MRM1: variants seen among roughly 807,000 people sequenced by gnomAD.
The protein encoded by MRM1 is mitochondrial rRNA methyltransferase 1, also known as rRNA methyltransferase 1, mitochondrial.
MRM1 carries 24 observed loss-of-function variants against 25.0 expected under a neutral mutation model. The observed-to-expected ratio is 0.96, with a 90% confidence interval of 0.69 to 1.35. The LOEUF (loss-of-function observed/expected upper bound fraction) is 1.35. MRM1 is among the 40% of genes most tolerant of loss of function. The probability of loss-of-function intolerance (pLI) is 0.00; values close to 1 mark genes in which losing one functional copy is unlikely to be tolerated. For missense variants in MRM1, 431 were observed against 464.1 expected (o/e 0.93, Z 0.65); for synonymous variants, 188 against 199.2 (o/e 0.94, Z 0.47).
At chr17:36,607,855 G>A in intron 3 of MRM1, 44 bp from the exon 4 acceptor site, 2 of 1,611,410 alleles carry the variant, frequency 1.2e-6, no homozygotes, top group Non-Finnish European at 1.7e-6. Context: ...GAGCAACTGG[G>A]TGTCCAGCTG....
chr17:36,608,760 A>C lies in MRM1; in HGVS notation c.*345A>C. The C allele has an allele frequency of 8.8e-6, 2 of 227,686 alleles. No individual in the cohort carries two copies. Among genetic ancestry groups the C allele is most frequent in the Non-Finnish European group, 1.7e-5 (2 of 117,708 alleles). The allele number at this position is 227,686 out of a possible 1,614,324, so 14.1% of individuals were successfully genotyped here. On this transcript the variant is annotated 3_prime_UTR_variant, in exon 5 of 5. Coordinates refer to ENST00000614766, the MANE Select transcript of MRM1 (RefSeq NM_024864.5). The stretch of plus-strand genomic sequence containing the variant: ...AGCCCAGGGGACCCGTTCCTCTTGA[A>C]CCAGTCATTGCCTGTGGCAAATGTG...
intron 2 of MRM1, among the ~76,000 whole-genome samples, 190 bp from the exon 3 acceptor site, chr17:36,607,480 G>A (rs1018111871): frequency 2.0e-5 from 3 of 151,216 alleles, no homozygotes; most frequent in African/African-American, 4.9e-5. Context: ...AAAACTAGCC[G>A]GGTGGGGTGG....
downstream of MRM1, among the ~76,000 whole-genome samples, chr17:36,610,440 G>A (rs1201320612): frequency 1.3e-5 from 2 of 152,108 alleles, no homozygotes; most frequent in Non-Finnish European, 2.9e-5. Flanking sequence ...CACCGTGTTA[G>A]CCAGGATGGT....
chr17:36,633,475 A>T, the MRM1 span, among the ~76,000 whole-genome samples: 1 of 152,110 alleles, frequency 6.6e-6, no homozygotes, highest in South Asian at 2.1e-4. Flanking sequence ...AAGAACAGAT[A>T]CCAGGAGATG....
In MRM1 at chr17:36,607,747, C is replaced by T. The variant is rs144829700; in HGVS notation, c.714C>T (p.Ile238=). Residue 238 remains isoleucine, a synonymous_variant, in exon 3 of 5, where the codon ATC becomes ATT. Transcript: ENST00000614766. ...CAGAGGATCCCCAGTCCTCCGAGAT[C>T]CCCATCATGAGTTGCTTGGAGTTCC... The part of the protein sequence containing the change: ...PSTEDPQSSE[I]PIMSCLEFLW... 1 of 1,614,112 alleles carries T rather than the reference C, an allele frequency of 6.2e-7. No individual in the cohort carries two copies. The highest frequency in any genetic ancestry group is 8.5e-7 in the Non-Finnish European group (1 of 1,180,042).
chr17:36,627,673 T>TG, the MRM1 span, among the ~76,000 whole-genome samples: 2 of 126,672 alleles, frequency 1.6e-5, no homozygotes, highest in Non-Finnish European at 1.6e-5. Flanking sequence ...CTTTGGACAC[T>TG]GTTTTTTTTT....
chr17:36,607,134 G>A (rs2074937127), intron 2 of MRM1, among the ~76,000 whole-genome samples: 1 of 149,702 alleles, frequency 6.7e-6, no homozygotes, highest in Non-Finnish European at 1.5e-5. Context: ...GACTGGTCTC[G>A]AACTCCCAAC....
At position 36,601,620 on chromosome 17, in the gene MRM1, G is replaced by T. The variant is rs1378704672; in HGVS notation, c.-191G>T. 2 of 521,530 alleles carry T rather than the reference G, an allele frequency of 3.8e-6. No individual in the cohort carries two copies. The highest frequency in any genetic ancestry group is 3.2e-6 in the Non-Finnish European group (1 of 315,604). The allele number at this position is 521,530 out of a possible 1,614,324, so 32.3% of individuals were successfully genotyped here. Reference sequence around the variant, plus strand: ...GAGGGACCCACGTGGGAGCCTGGGAGCGGGTGGTCGTAGCTCGGTAGTCCA... The same window carrying T: ...GAGGGACCCACGTGGGAGCCTGGGATCGGGTGGTCGTAGCTCGGTAGTCCA... On this transcript the variant is annotated 5_prime_UTR_variant, in exon 1 of 5. Transcript: ENST00000614766.
At chr17:36,617,330 A>G in the MRM1 span, among the ~76,000 whole-genome samples, 2 of 151,098 alleles carry the variant, frequency 1.3e-5, no homozygotes, top group Non-Finnish European at 3.0e-5. Flanking sequence ...TTGTGCTGGG[A>G]GGCTTGAGAG....
the MRM1 span, among the ~76,000 whole-genome samples, chr17:36,621,569 C>T: frequency 6.6e-6 from 1 of 152,192 alleles, no homozygotes; most frequent in Non-Finnish European, 1.5e-5. Flanking sequence ...GAGATCCCCC[C>T]ACAACCACCA....
the MRM1 span, among the ~76,000 whole-genome samples, chr17:36,615,886 G>T: frequency 6.7e-6 from 1 of 150,212 alleles, no homozygotes; most frequent in African/African-American, 2.4e-5. Context: ...CCAGCTACTC[G>T]GGAGGCTGAG....
At chr17:36,612,451 G>A (rs1287152280), downstream of MRM1, among the ~76,000 whole-genome samples, 3 of 152,216 alleles carry the variant, frequency 2.0e-5, no homozygotes, top group East Asian at 5.8e-4. Context: ...TTCTCCTTTA[G>A]GCAGCCTCTG....
At chr17:36,614,519 C>T in the MRM1 span, among the ~76,000 whole-genome samples, 1 of 152,152 alleles carries the variant, frequency 6.6e-6, no homozygotes, top group Non-Finnish European at 1.5e-5. Context: ...TATCCTCTTC[C>T]CTCAACCTCT....
At chr17:36,627,492 A>T in the MRM1 span, among the ~76,000 whole-genome samples, 1 of 152,026 alleles carries the variant, frequency 6.6e-6, no homozygotes, top group Non-Finnish European at 1.5e-5. Flanking sequence ...CCACCTGGTT[A>T]CCCCTGGCCT....
At chr17:36,611,465 C>T (rs1394645022), downstream of MRM1, among the ~76,000 whole-genome samples, 1 of 152,194 alleles carries the variant, frequency 6.6e-6, no homozygotes, top group African/African-American at 2.4e-5. Flanking sequence ...GAGGACACTG[C>T]ACCCCAGGAC....
In MRM1 at chr17:36,602,278, C is replaced by T; in HGVS notation, c.468C>T (p.Pro156=). The T allele has an allele frequency of 1.2e-6, 2 of 1,602,794 alleles. No individual in the cohort carries two copies. Among genetic ancestry groups the T allele is most frequent in the Non-Finnish European group, 1.7e-6 (2 of 1,172,296 alleles). The change falls in exon 1 of 5, where the codon CCC becomes CCT. Residue 156 remains proline (P), a synonymous_variant. Coordinates refer to ENST00000614766, the MANE Select transcript of MRM1 (RefSeq NM_024864.5). The surrounding 1 kb of genome is among the most constrained non-coding windows in gnomAD (Gnocchi z 4.1). ...TCGTCCTCGATGGGATCCAGGATCC[C>T]CGGAATTTTGGGGCTGTGCTGCGTT... ...LWLVLDGIQD[P]RNFGAVLRSA...
rs1012278847 is a variant in MRM1, at chr17:36,608,666, G to T, written c.*251G>T. On this transcript the variant is annotated 3_prime_UTR_variant, in exon 5 of 5. Transcript: ENST00000614766. ...AAGCCATGATGGCCTAGCATGGAGG[G>T]AATCTGTTCCCAGGCCCTGCCTGGA... is the stretch of plus-strand genomic sequence containing the variant. 1.0e-5 allele frequency: 4 copies of T among 397,514 alleles called. No homozygotes were observed. Among genetic ancestry groups the T allele is most frequent in the Non-Finnish European group, 8.9e-6 (2 of 225,600 alleles). The allele number at this position is 397,514 out of a possible 1,614,324, so 24.6% of individuals were successfully genotyped here. A position where few individuals can be genotyped will look rare whatever the true frequency, so the allele number is the denominator to read the frequency against.
chr17:36,616,471 G>A, the MRM1 span, among the ~76,000 whole-genome samples: 3 of 152,196 alleles, frequency 2.0e-5, no homozygotes, highest in Non-Finnish European at 2.9e-5. Context: ...CAGACTTTCC[G>A]TCGACAGCCC....
At chr17:36,609,593 C>T (rs1051390305), downstream of MRM1, among the ~76,000 whole-genome samples, 8 of 152,216 alleles carry the variant, frequency 5.3e-5, no homozygotes, top group Non-Finnish European at 7.3e-5. Context: ...TGTCTCCAGA[C>T]GTTGCCAGAT....
Sources: gnomAD v4.1 joint callset for allele counts (sites outside exome capture counted in the v4.1 genomes callset) on GRCh38, gnomAD v4.1.1 for gene constraint, Gnocchi (gnomAD v3.1) non-coding constraint, MANE v1.5 for transcripts, NCBI Gene and HGNC (gene_info 2026-07-23, HGNC 2026-07-21) for gene names.